TENM3: variants seen among roughly 807,000 people sequenced by gnomAD.
TENM3 encodes the protein teneurin-3.
TENM3 carries 63 observed loss-of-function variants against 255.1 expected under a neutral mutation model. The observed-to-expected ratio is 0.25, with a 90% CI of 0.20 to 0.30. The LOEUF is 0.30. Among genes scored for constraint, TENM3 ranks in the 10% least tolerant of loss-of-function variants. TENM3 has a pLI of 1.00. For synonymous variants in TENM3, 1,306 were observed against 1,322.3 expected (o/e 0.99, Z 0.27); for missense variants, 2,929 against 3,461.1 (o/e 0.85, Z 3.86).
the TENM3 span, among the ~76,000 whole-genome samples, chr4:181,988,172 G>A: frequency 1.3e-5 from 2 of 151,812 alleles, no homozygotes; most frequent in East Asian, 1.9e-4. Context: ...CTTCACTATC[G>A]TATCTTTTTA....
rs148524818 is a variant in TENM3 at position 182,677,686 on chromosome 4, G to A, written c.1327-1980G>A. Among the ~76,000 whole-genome samples, 714 of 152,194 alleles carry A rather than the reference G, an allele frequency of 4.7e-3. 8 individuals carry two copies. Among genetic ancestry groups the A allele is most frequent in the African/African-American group, 0.016 (661 of 41,514 alleles). On this transcript the variant is annotated intron_variant, in intron 7 of 27. Coordinates refer to ENST00000511685, the MANE Select transcript of TENM3 (RefSeq NM_001080477.4). The stretch of plus-strand genomic sequence containing the variant: ...TAAATGAAAATAAACATTTTTGACT[G>A]CTGATCAGGTTATACTGTTTTTATA...
At chr4:181,782,739 C>T in the TENM3 span, among the ~76,000 whole-genome samples, 2 of 152,132 alleles carry the variant, frequency 1.3e-5, no homozygotes, top group African/African-American at 2.4e-5. Context: ...ATCTTTCCTG[C>T]TTTTTCTTGC....
intron 12 of TENM3, among the ~76,000 whole-genome samples, chr4:182,708,565 C>T (rs951114727): frequency 3.9e-5 from 6 of 152,062 alleles, no homozygotes; most frequent in Non-Finnish European, 8.8e-5. Flanking sequence ...TTTGGGAGGC[C>T]GAGGAGGGTG....
rs914151424 is a variant in TENM3 at position 182,755,767 on chromosome 4, G to A, written c.4892+508G>A. ...AGGCAGGAGAATGGCGTGAACCCGG[G>A]AGGCGCAGCTTGCAGTGAGCCGAGA... On this transcript the variant is annotated intron_variant, in intron 22 of 27. Coordinates refer to ENST00000511685, the MANE Select transcript of TENM3 (RefSeq NM_001080477.4). 2.4e-4 allele frequency among the ~76,000 whole-genome samples: 37 copies of A among 152,182 alleles called. No homozygotes were observed. In the Middle Eastern group the frequency reaches 0.01, roughly 42 times the overall value.
At chr4:182,262,261 T>A (rs1758850650) in intron 1 of TENM3, among the ~76,000 whole-genome samples, 1 of 152,238 alleles carries the variant, frequency 6.6e-6, no homozygotes, top group Non-Finnish European at 1.5e-5. Flanking sequence ...AGCTATTTAC[T>A]TGTTCTACAA....
chr4:182,789,041 C>T lies in TENM3; in HGVS notation c.5305-52C>T. The stretch of plus-strand genomic sequence containing the variant: ...TGGTGTTTAAACAATACTGGGGACT[C>T]CGGTGTTGGAATAACATGATTTATT... On this transcript the variant is annotated intron_variant, in intron 24 of 27. Transcript: ENST00000511685. The surrounding 1 kb of genome is among the most constrained non-coding windows in gnomAD (Gnocchi z 4.4). 6.8e-7 allele frequency: 1 copy of T among 1,471,594 alleles called. No individual in the cohort carries two copies. Among genetic ancestry groups the T allele is most frequent in the Non-Finnish European group, 9.2e-7 (1 of 1,087,620 alleles). The allele number at this position is 1,471,594 out of a possible 1,614,324, so 91.2% of individuals were successfully genotyped here. A position where few individuals can be genotyped will look rare whatever the true frequency, so the allele number is the denominator to read the frequency against.
the TENM3 span, among the ~76,000 whole-genome samples, chr4:181,668,694 C>A: frequency 6.6e-6 from 1 of 152,064 alleles, no homozygotes; most frequent in Admixed American, 6.6e-5. Flanking sequence ...ACCTTACTTG[C>A]AAATAAGGTT....
At chr4:181,522,994 T>A in the TENM3 span, 1 of 651,140 alleles carries the variant, frequency 1.5e-6, no homozygotes. Flanking sequence ...CATAGGGAAC[T>A]CAATGCATCA....
chr4:182,573,146 C>T (rs1222469895), intron 3 of TENM3, among the ~76,000 whole-genome samples: 6 of 152,030 alleles, frequency 3.9e-5, no homozygotes, highest in Non-Finnish European at 5.9e-5. Flanking sequence ...AAGTGAGACT[C>T]GGGGATTTAA....
intron 3 of TENM3, among the ~76,000 whole-genome samples, chr4:182,446,777 C>T (rs553844273): frequency 2.0e-5 from 3 of 152,036 alleles, no homozygotes; most frequent in Admixed American, 6.6e-5. Flanking sequence ...AAATTTTAAC[C>T]GTGTAATGTT....
chr4:181,888,179 G>A, the TENM3 span, among the ~76,000 whole-genome samples: 4 of 151,798 alleles, frequency 2.6e-5, no homozygotes, highest in South Asian at 2.1e-4. Flanking sequence ...ACAGGTGCCC[G>A]CCACCACGCC....
intron 3 of TENM3, among the ~76,000 whole-genome samples, chr4:182,495,144 A>G (rs1016842966): frequency 3.3e-5 from 5 of 152,216 alleles, no homozygotes; most frequent in African/African-American, 1.2e-4. Context: ...CAAAAACTTA[A>G]TGGAAGATGC....
At chr4:182,264,616 T>C in intron 1 of TENM3, among the ~76,000 whole-genome samples, 1 of 152,212 alleles carries the variant, frequency 6.6e-6, no homozygotes, top group African/African-American at 2.4e-5. Flanking sequence ...CCAGGTTCAA[T>C]TCCCTGCCTA....
At chr4:182,476,172 C>T (rs1733667168) in intron 3 of TENM3, among the ~76,000 whole-genome samples, 6 of 152,154 alleles carry the variant, frequency 3.9e-5, no homozygotes. Flanking sequence ...TGAAACTCCC[C>T]AGAGATTTTT....
the TENM3 span, among the ~76,000 whole-genome samples, chr4:181,948,064 A>G: frequency 3.3e-5 from 5 of 152,234 alleles, no homozygotes; most frequent in Non-Finnish European, 7.3e-5. Context: ...AAGAAAAGCG[A>G]GCACTCACTC....
At chr4:181,694,631 A>T in the TENM3 span, among the ~76,000 whole-genome samples, 1 of 152,308 alleles carries the variant, frequency 6.6e-6, no homozygotes, top group Middle Eastern at 3.4e-3. Context: ...TGTAAGAACC[A>T]GTTGTTTATG....
chr4:182,522,073 C>T (rs573093882), intron 3 of TENM3, among the ~76,000 whole-genome samples: 11 of 152,220 alleles, frequency 7.2e-5, no homozygotes, highest in African/African-American at 1.4e-4. Context: ...TAGAGCTGTA[C>T]GTGTTTTTAA....
chr4:181,669,389 T>C, the TENM3 span, among the ~76,000 whole-genome samples: 1 of 152,154 alleles, frequency 6.6e-6, no homozygotes, highest in South Asian at 2.1e-4. Context: ...GGACCAAGAC[T>C]GTTTGGCTCC....
intron 6 of TENM3, among the ~76,000 whole-genome samples, chr4:182,665,293 C>G (rs4563534): frequency 1.3e-5 from 2 of 151,990 alleles, no homozygotes; most frequent in East Asian, 3.9e-4. Flanking sequence ...CTGTTTACAA[C>G]GTGGCTACTA....
Sources: allele counts gnomAD v4.1 joint callset (sites outside exome capture counted in the v4.1 genomes callset), GRCh38; gene constraint gnomAD v4.1.1; non-coding constraint Gnocchi (gnomAD v3.1); transcripts MANE v1.5; gene names NCBI Gene and HGNC (gene_info 2026-07-23, HGNC 2026-07-21).